Variants in TAOK3 observed in about 807,000 individuals in gnomAD.
TAOK3 encodes the protein TAO kinase 3, also known as serine/threonine-protein kinase TAO3.
A neutral mutation model predicts 120.4 loss-of-function variants in TAOK3; 40 were observed. The observed-to-expected ratio is 0.33, with a 90% CI of 0.26 to 0.43. TAOK3 has a LOEUF of 0.43. TAOK3 is among the 20% of genes least tolerant of loss of function. The probability of loss-of-function intolerance (pLI) is 1.00; values close to 1 mark genes in which losing one functional copy is unlikely to be tolerated. For missense variants in TAOK3, 821 were observed against 1,112.1 expected, an observed-to-expected ratio of 0.74 and a Z score of 3.72; for synonymous variants, 355 against 387.5, an observed-to-expected ratio of 0.92 and a Z score of 0.99.
chr12:118,280,000 C>T (rs529800410), intron 1 of TAOK3, among the ~76,000 whole-genome samples: 5 of 151,004 alleles, frequency 3.3e-5, no homozygotes, highest in East Asian at 3.9e-4. Context: ...CTCCTGACTT[C>T]GTGATCCGCC....
chr12:118,288,312 A>T (rs2042337164), intron 1 of TAOK3, among the ~76,000 whole-genome samples: 1 of 152,106 alleles, frequency 6.6e-6, no homozygotes. Flanking sequence ...TAGAAACTGG[A>T]ACCCTCCAAT....
chr12:118,221,545 T>C (rs1799828687), intron 9 of TAOK3, among the ~76,000 whole-genome samples: 1 of 151,950 alleles, frequency 6.6e-6, no homozygotes, highest in African/African-American at 2.4e-5. Context: ...AATATAGTAG[T>C]TTGAATAAAG....
At chr12:118,294,465 C>A (rs1389962361) in intron 1 of TAOK3, among the ~76,000 whole-genome samples, 1 of 151,968 alleles carries the variant, frequency 6.6e-6, no homozygotes, top group Admixed American at 6.6e-5. Flanking sequence ...CTCACTCCAA[C>A]CTCTGCCTCC....
intron 1 of TAOK3, among the ~76,000 whole-genome samples, chr12:118,328,195 G>A (rs2044007709): frequency 6.6e-6 from 1 of 151,888 alleles, no homozygotes; most frequent in Non-Finnish European, 1.5e-5. Context: ...CGAGTAGCTG[G>A]GATTACAGCC....
chr12:118,208,783 C>T (rs2038469323), intron 11 of TAOK3, among the ~76,000 whole-genome samples: 1 of 152,164 alleles, frequency 6.6e-6, no homozygotes, highest in Admixed American at 6.5e-5. Flanking sequence ...ACGATCTCGG[C>T]TCACTGCAAA....
At chr12:118,332,800 G>A (rs2044205936) in intron 1 of TAOK3, among the ~76,000 whole-genome samples, 2 of 152,102 alleles carry the variant, frequency 1.3e-5, no homozygotes, top group African/African-American at 4.8e-5. Context: ...AATCATGTGA[G>A]ACCTTATCTC....
intron 1 of TAOK3, among the ~76,000 whole-genome samples, chr12:118,332,282 C>G (rs890339343): frequency 6.6e-6 from 1 of 152,168 alleles, no homozygotes; most frequent in African/African-American, 2.4e-5. Flanking sequence ...CAACCCCCAC[C>G]CACATCCACT....
Position 118,161,827 on chromosome 12 carries a change from C to T in TAOK3, c.2100G>A (p.Lys700=), listed in dbSNP as rs1159455168. Residue 700 remains lysine, a synonymous_variant, in exon 18 of 21, where the codon AAG becomes AAA. Transcript: ENST00000392533. The surrounding 1 kb of genome is among the most constrained non-coding windows in gnomAD (Gnocchi z 4.5). ...GCTGTTGCCGAAGTTCCATGACATG[C>T]TTTCTGTGCAGTTCTCTTTCTCGCC... The part of the protein sequence containing the change: ...NKRRERELHR[K]HVMELRQQPK... 1.2e-6 allele frequency: 2 copies of T among 1,614,226 alleles called. No individual in the cohort carries two copies. The highest frequency in any genetic ancestry group is 8.5e-7 in the Non-Finnish European group (1 of 1,180,040).
At position 118,153,609 on chromosome 12, in the gene TAOK3, G is replaced by A. The variant is rs1184140928; in HGVS notation, c.2353-1200C>T. 2.6e-5 allele frequency among the ~76,000 whole-genome samples: 4 copies of A among 152,298 alleles called. No homozygotes were observed. In the East Asian group the frequency reaches 5.8e-4, roughly 22 times the overall value. ...CAGCAGGACAGTGTTTAGGAATGAT[G>A]ACCCTGGGTTGCAGGCTTGGTTTGG... On this transcript the variant is annotated intron_variant, in intron 19 of 20. Coordinates refer to ENST00000392533, the MANE Select transcript of TAOK3 (RefSeq NM_016281.4).
At chr12:118,201,739 A>G (rs2139286105) in intron 11 of TAOK3, among the ~76,000 whole-genome samples, 1 of 152,184 alleles carries the variant, frequency 6.6e-6, no homozygotes, top group East Asian at 1.9e-4. Context: ...ATGTTTTGAT[A>G]CACATATATA....
rs534424567 is a variant in TAOK3 at position 118,289,942 on chromosome 12, C to T, written c.-193-23183G>A. 8.0e-5 allele frequency among the ~76,000 whole-genome samples: 12 copies of T among 149,608 alleles called. No homozygotes were observed. The East Asian group carries it at 9.9e-4, about 12-fold the overall frequency. On this transcript the variant is annotated intron_variant, in intron 1 of 20. Transcript: ENST00000392533. ...CCCGGGAATGTAGGTTGCAGTGAGC[C>T]GAGATCACACCATTGCACTCCAGCC...
chr12:118,155,115 C>T (rs1269763625), intron 19 of TAOK3, among the ~76,000 whole-genome samples: 1 of 152,114 alleles, frequency 6.6e-6, no homozygotes, highest in African/African-American at 2.4e-5. Flanking sequence ...CCTGCCTCAG[C>T]CTCCTGAGTA....
intron 9 of TAOK3, among the ~76,000 whole-genome samples, chr12:118,225,603 CTTT>C (rs887700665): frequency 1.3e-5 from 2 of 152,038 alleles, no homozygotes; most frequent in Non-Finnish European, 2.9e-5. Context: ...AATCACATTT[CTTT>C]GAGTCTGAGA....
At chr12:118,293,201 C>T (rs1322165030) in intron 1 of TAOK3, among the ~76,000 whole-genome samples, 1 of 152,150 alleles carries the variant, frequency 6.6e-6, no homozygotes, top group African/African-American at 2.4e-5. Context: ...CATGGAAAAT[C>T]AATATTTAAT....
intron 1 of TAOK3, among the ~76,000 whole-genome samples, chr12:118,345,352 T>A (rs2044808554): frequency 6.6e-6 from 1 of 152,206 alleles, no homozygotes; most frequent in African/African-American, 2.4e-5. Flanking sequence ...ACATTTCTCC[T>A]TTCTTAAGGA....
chr12:118,212,651 ATT>A (rs1331878111), intron 11 of TAOK3, among the ~76,000 whole-genome samples: 1 of 152,174 alleles, frequency 6.6e-6, no homozygotes. Flanking sequence ...GAGAAATATT[ATT>A]TGTTATAAGG....
At chr12:118,248,239 G>GT (rs35707655) in intron 3 of TAOK3, among the ~76,000 whole-genome samples, 401 of 149,102 alleles carry the variant, frequency 2.7e-3, no homozygotes, top group Non-Finnish European at 5.0e-3. Context: ...TACTACAGGA[G>GT]TTTTTTTTAA....
chr12:118,160,447 G>T lies in TAOK3; in HGVS notation c.2140-89C>A. On this transcript the variant is annotated intron_variant, in intron 18 of 20. Coordinates refer to ENST00000392533, the MANE Select transcript of TAOK3 (RefSeq NM_016281.4). This position sits in a 1 kb window ranked among gnomAD's most constrained non-coding sequence, Gnocchi z 4.2. ...CATAATGATATAATACAAGTGCTGA[G>T]AGCGTCTGTTTTTTGGTGCAGTGAC... 8.9e-7 allele frequency: 1 copy of T among 1,124,562 alleles called. No individual in the cohort carries two copies. Among genetic ancestry groups the T allele is most frequent in the Non-Finnish European group, 1.3e-6 (1 of 774,486 alleles). 69.7% of individuals were successfully genotyped at this position (1,124,562 alleles called of 1,614,324 possible). A position where few individuals can be genotyped will look rare whatever the true frequency, so the allele number is the denominator to read the frequency against.
intron 1 of TAOK3, among the ~76,000 whole-genome samples, chr12:118,347,692 C>T (rs985544281): frequency 7.2e-5 from 11 of 152,178 alleles, no homozygotes; most frequent in African/African-American, 7.2e-5. Context: ...AAATTCTGTG[C>T]TGAGCTTCCC....
Sources: allele counts gnomAD v4.1 joint callset (sites outside exome capture counted in the v4.1 genomes callset), GRCh38; gene constraint gnomAD v4.1.1; non-coding constraint Gnocchi (gnomAD v3.1); transcripts MANE v1.5; gene names NCBI Gene and HGNC (gene_info 2026-07-23, HGNC 2026-07-21).